The following WDR36 variants were observed in gnomAD, a reference collection of about 807,000 sequenced individuals.
The protein encoded by WDR36 is WD repeat-containing protein 36.
Under a neutral mutation model 112.7 loss-of-function variants are expected in WDR36, and 63 were observed. That is an observed-to-expected ratio of 0.56 (90% CI 0.46 to 0.69). The LOEUF is 0.69. Among genes scored for constraint, WDR36 ranks in the 30% least tolerant of loss-of-function variants. WDR36 has a pLI of 0.00. For synonymous variants in WDR36, 410 were observed against 362.2 expected, an observed-to-expected ratio of 1.13 and a Z score of -1.50; for missense variants, 1,226 against 1,070.3, an observed-to-expected ratio of 1.15 and a Z score of -2.03.
chr5:111,105,645 C>T (rs1447110501), intron 10 of WDR36, among the ~76,000 whole-genome samples: 1 of 151,440 alleles, frequency 6.6e-6, no homozygotes, highest in African/African-American at 2.4e-5. Context: ...GTAGAGTGCA[C>T]AGTTTTTAAA....
chr5:111,103,331 T>C (rs1753159233), intron 6 of WDR36, among the ~76,000 whole-genome samples: 1 of 151,820 alleles, frequency 6.6e-6, no homozygotes, highest in South Asian at 2.1e-4. Flanking sequence ...TCACATGTTT[T>C]GTAGGTTTTT....
intron 5 of WDR36, 68 bp downstream of exon 5, chr5:111,100,789 C>A: frequency 6.8e-7 from 1 of 1,480,500 alleles, no homozygotes. Context: ...CTAATGTATA[C>A]TTAAGTCTCA....
chr5:111,116,511 C>A (rs753814622), intron 16 of WDR36, among the ~76,000 whole-genome samples: 2 of 152,102 alleles, frequency 1.3e-5, no homozygotes, highest in African/African-American at 4.8e-5. Flanking sequence ...TCAGAAACAA[C>A]CTTCTGAATT....
At chr5:111,113,481 C>A (rs991454525) in intron 16 of WDR36, among the ~76,000 whole-genome samples, 1 of 152,014 alleles carries the variant, frequency 6.6e-6, no homozygotes, top group Non-Finnish European at 1.5e-5. Flanking sequence ...TTAAGGATGG[C>A]AAACTTTTGA....
At chr5:111,118,774 T>C (rs1258139283) in intron 16 of WDR36, among the ~76,000 whole-genome samples, 1 of 152,196 alleles carries the variant, frequency 6.6e-6, no homozygotes, top group African/African-American at 2.4e-5. Flanking sequence ...TGAAACTGCT[T>C]CTCCAGTTAG....
At chr5:111,106,029 T>C (rs1561704353) in intron 10 of WDR36, 28 bp from the exon 11 acceptor site, 4 of 1,520,944 alleles carry the variant, frequency 2.6e-6, no homozygotes, top group Non-Finnish European at 3.6e-6. Context: ...TTCATAGCTA[T>C]GTATGTTCCC....
At chr5:111,095,236 G>A (rs1161783579) in intron 2 of WDR36, 2 of 311,082 alleles carry the variant, frequency 6.4e-6, no homozygotes, top group South Asian at 5.1e-5. Flanking sequence ...ATGTCCTTCA[G>A]TTTGAGTTTT....
chr5:111,098,996 G>A (rs1753054513), intron 4 of WDR36, among the ~76,000 whole-genome samples, 157 bp downstream of exon 4: 2 of 152,110 alleles, frequency 1.3e-5, no homozygotes, highest in African/African-American at 4.8e-5. Context: ...AAAGTTCTAA[G>A]TAAGAAAGAG....
chr5:111,098,434 T>C (rs1753039203), intron 3 of WDR36, among the ~76,000 whole-genome samples: 1 of 152,184 alleles, frequency 6.6e-6, no homozygotes, highest in Non-Finnish European at 1.5e-5. Flanking sequence ...ACTAGGTGTG[T>C]GTGCATGCCT....
intron 12 of WDR36, among the ~76,000 whole-genome samples, chr5:111,109,069 A>C (rs558036832): frequency 3.3e-5 from 5 of 151,476 alleles, no homozygotes; most frequent in Admixed American, 2.0e-4. Flanking sequence ...ATACATTAGA[A>C]TGAATAAATT....
In WDR36 at chr5:111,097,171, A is replaced by G. The variant is rs767159983; in HGVS notation, c.283A>G (p.Asn95Asp). 1.2e-6 allele frequency: 2 copies of G among 1,612,850 alleles called. No homozygotes were observed. The highest frequency in any genetic ancestry group is 4.5e-5 in the East Asian group (2 of 44,818). ...AAATGTTTTCTCTGCATTTGCCCGT[A>G]ATAAAGAGGTTGGTATCGCTAAACT... ...YGNVFSAFAR[N>D]KEIVHTFKGH... is the part of the protein sequence containing the mutation. Residue 95 changes from asparagine (N) to aspartate (D), a missense_variant, in exon 3 of 23, where the codon AAT (asparagine) becomes GAT (aspartate). Asn to Asp is a conservative substitution (Grantham distance 23). Coordinates refer to ENST00000513710, the MANE Select transcript of WDR36 (RefSeq NM_139281.3).
chr5:111,110,722 G>T, intron 13 of WDR36, 66 bp from the exon 14 acceptor site: 1 of 1,507,458 alleles, frequency 6.6e-7, no homozygotes, highest in Non-Finnish European at 9.1e-7. Context: ...GAATCACTGT[G>T]TGTATTGTTC....
rs1753175899 is a variant in WDR36, at chr5:111,104,187, A to G, written c.741A>G (p.Pro247=). Residue 247 remains proline (P), a synonymous_variant, in exon 8 of 23, where the codon CCA becomes CCG. Coordinates refer to ENST00000513710, the MANE Select transcript of WDR36 (RefSeq NM_139281.3). ...TTATTTTAATAACAGATGGTCATCCAGTAATGGCAGCTGGAAGCCCATGTG... is the reference window on the plus strand; with the variant it reads ...TTATTTTAATAACAGATGGTCATCCGGTAATGGCAGCTGGAAGCCCATGTG... ...TSISFRTDGH[P]VMAAGSPCGH... The G allele has an allele frequency of 6.2e-7, 1 of 1,611,216 alleles. No homozygotes were observed. Among genetic ancestry groups the G allele is most frequent in the Non-Finnish European group, 8.5e-7 (1 of 1,178,140 alleles).
rs893442551 is a variant in WDR36, at chr5:111,107,328, T to A, written c.1215T>A (p.Ile405=). 2 of 1,610,504 alleles carry A rather than the reference T, an allele frequency of 1.2e-6. No individual in the cohort carries two copies. Among genetic ancestry groups the A allele is most frequent in the African/African-American group, 1.3e-5 (1 of 74,840 alleles). The change falls in exon 12 of 23, where the codon ATT becomes ATA. Residue 405 remains isoleucine, a synonymous_variant. Coordinates refer to ENST00000513710, the MANE Select transcript of WDR36 (RefSeq NM_139281.3). Reference sequence around the variant, plus strand: ...GTGAAAGTGACTGGGATGGTATCATTGCTTGCCATCAAGGTAAGCTATCTT... The same window carrying A: ...GTGAAAGTGACTGGGATGGTATCATAGCTTGCCATCAAGGTAAGCTATCTT... ...EARESDWDGI[I]ACHQGKLSCS... is the part of the protein sequence containing the mutation.
rs1753765774 is a variant in WDR36, at chr5:111,130,343, T to C, written c.*3460T>C. The C allele has an allele frequency of 5.3e-6, 1 of 187,218 alleles. No homozygotes were observed. The highest frequency in any genetic ancestry group is 2.0e-4 in the South Asian group (1 of 5,118). 11.6% of individuals were successfully genotyped at this position (187,218 alleles called of 1,614,324 possible). On this transcript the variant is annotated 3_prime_UTR_variant, in exon 23 of 23. Transcript: ENST00000513710. ...TGTTTGGTTGAAAAAAGTTTGCATA[T>C]AAGTGAAACTTAGCATTTCAAACCT... is the stretch of plus-strand genomic sequence containing the variant.
chr5:111,124,497 A>C (rs921416731), intron 21 of WDR36, among the ~76,000 whole-genome samples: 3 of 152,138 alleles, frequency 2.0e-5, no homozygotes, highest in Non-Finnish European at 4.4e-5. Context: ...TGTGAATTAA[A>C]TGTAAAAGTT....
intron 15 of WDR36, among the ~76,000 whole-genome samples, chr5:111,111,898 G>T (rs1442748455): frequency 6.6e-6 from 1 of 151,762 alleles, no homozygotes; most frequent in African/African-American, 2.4e-5. Flanking sequence ...ATCAATTGCA[G>T]ATACCTTGAT....
At chr5:111,126,586 G>A (rs1753682199) in intron 22 of WDR36, 148 bp from the exon 23 acceptor site, 12 of 854,920 alleles carry the variant, frequency 1.4e-5, no homozygotes, top group Non-Finnish European at 2.0e-5. Context: ...GATAGAGGAG[G>A]GGAAAATGGG....
At chr5:111,108,432 A>T (rs1241536532) in intron 12 of WDR36, among the ~76,000 whole-genome samples, 4 of 151,088 alleles carry the variant, frequency 2.6e-5, no homozygotes, top group African/African-American at 9.7e-5. Flanking sequence ...TCAACATTTG[A>T]CCCTATTTTA....
Sources: allele counts gnomAD v4.1 joint callset (sites outside exome capture counted in the v4.1 genomes callset), GRCh38; gene constraint gnomAD v4.1.1; transcripts MANE v1.5; gene names NCBI Gene and HGNC (gene_info 2026-07-23, HGNC 2026-07-21).